NADK2: variants seen among roughly 807,000 people sequenced by gnomAD.
The protein encoded by NADK2 is NAD kinase 2, mitochondrial.
In NADK2, 35 loss-of-function variants were observed where a neutral mutation model predicts 62.1. That is an observed-to-expected ratio of 0.56 (90% confidence interval 0.43 to 0.75). The LOEUF is 0.75. Ranked by LOEUF, NADK2 falls within the 30% of genes least tolerant of loss-of-function variation. The pLI is 0.00. For missense variants in NADK2, 439 were observed against 561.3 expected, an observed-to-expected ratio of 0.78 and a Z score of 2.20; for synonymous variants, 205 against 207.9, an observed-to-expected ratio of 0.99 and a Z score of 0.12.
intron 8 of NADK2, among the ~76,000 whole-genome samples, chr5:36,204,378 CTT>C (rs1336768326): frequency 6.6e-6 from 1 of 152,094 alleles, no homozygotes; most frequent in African/African-American, 2.4e-5. Flanking sequence ...GGCCAGTACT[CTT>C]TTCAATTATA....
chr5:36,198,877 T>C (rs1746332943), intron 10 of NADK2, among the ~76,000 whole-genome samples: 1 of 151,766 alleles, frequency 6.6e-6, no homozygotes, highest in Admixed American at 6.6e-5. Flanking sequence ...TTCAAACTAT[T>C]TTAGAGGCAA....
At chr5:36,231,463 G>A (rs1747707239) in intron 1 of NADK2, among the ~76,000 whole-genome samples, 1 of 152,116 alleles carries the variant, frequency 6.6e-6, no homozygotes, top group Non-Finnish European at 1.5e-5. Context: ...TTTAGAGAAT[G>A]TAAGTTCTTA....
chr5:36,212,366 C>T (rs1746882338), intron 6 of NADK2: 1 of 152,370 alleles, frequency 6.6e-6, no homozygotes. Flanking sequence ...CTTTTTTTTC[C>T]AAATAAGGAA....
intron 9 of NADK2, 116 bp downstream of exon 9, chr5:36,200,990 T>A: frequency 3.9e-6 from 3 of 777,490 alleles, no homozygotes; most frequent in Non-Finnish European, 4.3e-6. Context: ...GAAAAAGAAA[T>A]TAATGCATAG....
Position 36,227,569 on chromosome 5 carries a change from T to G in NADK2, c.301-4A>C, listed in dbSNP as rs1160977194. ...AACTAGAGCCTTTCAATGCAAGCTA[T>G]ATCAAAACAAAAGAAACGTTGTTTT... On this transcript the variant is annotated splice_region_variant and splice_polypyrimidine_tract_variant and intron_variant, in intron 1 of 11. Transcript: ENST00000381937. The G allele has an allele frequency of 6.7e-7, 1 of 1,501,612 alleles. No individual in the cohort carries two copies. The allele number at this position is 1,501,612 out of a possible 1,614,324, so 93.0% of individuals were successfully genotyped here.
At chr5:36,211,546 C>T (rs1199914353) in intron 7 of NADK2, among the ~76,000 whole-genome samples, 7 of 83,126 alleles carry the variant, frequency 8.4e-5, no homozygotes, top group East Asian at 4.5e-4. Context: ...CAGAGTGAGA[C>T]TCAGTCTCAA....
chr5:36,214,569 C>T (rs1482606308), intron 6 of NADK2, among the ~76,000 whole-genome samples: 1 of 152,194 alleles, frequency 6.6e-6, no homozygotes, highest in Non-Finnish European at 1.5e-5. Context: ...ACACAAACTA[C>T]TACACTGTGT....
chr5:36,209,269 A>G (rs1746753595), intron 7 of NADK2, among the ~76,000 whole-genome samples: 1 of 152,122 alleles, frequency 6.6e-6, no homozygotes, highest in South Asian at 2.1e-4. Context: ...GCCACAGAAA[A>G]TAAAAGCATT....
rs749221281 is a variant in NADK2, at chr5:36,207,150, C to A, written c.956+20G>T. On this transcript the variant is annotated intron_variant, in intron 8 of 11. Coordinates refer to ENST00000381937, the MANE Select transcript of NADK2 (RefSeq NM_001085411.3). ...AAAGTATTTCACAAAACTTGATAAG[C>A]AACATCCCAAGTTACTCACCAGGCC... is the stretch of plus-strand genomic sequence containing the variant. The A allele has an allele frequency of 1.3e-6, 2 of 1,586,148 alleles. No homozygotes were observed. The highest frequency in any genetic ancestry group is 2.2e-5 in the East Asian group (1 of 44,668).
At chr5:36,204,778 T>A (rs1190994132) in intron 8 of NADK2, among the ~76,000 whole-genome samples, 1 of 152,030 alleles carries the variant, frequency 6.6e-6, no homozygotes, top group Non-Finnish European at 1.5e-5. Flanking sequence ...ATGAATTAAA[T>A]GATATGATAT....
chr5:36,216,450 T>C (rs1039246080), intron 6 of NADK2, among the ~76,000 whole-genome samples: 8 of 152,188 alleles, frequency 5.3e-5, no homozygotes. Flanking sequence ...ATTTTGTTTT[T>C]GTTGCCTGTG....
At position 36,205,036 on chromosome 5, in the gene NADK2, G is replaced by C. The variant is rs1746584271; in HGVS notation, c.956+2134C>G. Among the ~76,000 whole-genome samples the C allele has an allele frequency of 6.6e-6, 1 of 151,874 alleles. No homozygotes were observed. Among genetic ancestry groups the C allele is most frequent in the Admixed American group, 6.6e-5 (1 of 15,214 alleles). On this transcript the variant is annotated intron_variant, in intron 8 of 11. Transcript: ENST00000381937. This position sits in a 1 kb window ranked among gnomAD's most constrained non-coding sequence, Gnocchi z 4.1. ...TAAAAGTTTGATAAGCATTGTTTTA[G>C]CTATATACAATTGTGAGCATATAGT...
chr5:36,200,332 T>C (rs1746392797), intron 9 of NADK2, 52 bp from the exon 10 acceptor site: 2 of 1,165,714 alleles, frequency 1.7e-6, no homozygotes, highest in Non-Finnish European at 2.3e-6. Flanking sequence ...ATATATCTTA[T>C]ATATATATTT....
intron 10 of NADK2, 82 bp downstream of exon 10, chr5:36,200,145 T>C: frequency 1.1e-6 from 1 of 950,470 alleles, no homozygotes; most frequent in Non-Finnish European, 1.5e-6. Flanking sequence ...AGTACTTTGC[T>C]AATTAAACAA....
intron 1 of NADK2, among the ~76,000 whole-genome samples, chr5:36,228,620 T>C (rs1561073071): frequency 4.0e-5 from 2 of 50,108 alleles, no homozygotes; most frequent in Non-Finnish European, 1.7e-4. Context: ...TGTCTAGACA[T>C]GATTTTTTTT....
intron 7 of NADK2, among the ~76,000 whole-genome samples, chr5:36,210,396 T>C (rs1240889417): frequency 6.6e-6 from 1 of 152,162 alleles, no homozygotes; most frequent in Non-Finnish European, 1.5e-5. Flanking sequence ...ATTTTTACAC[T>C]CCTAATGAGG....
chr5:36,217,550 C>T (rs184980843), intron 6 of NADK2, among the ~76,000 whole-genome samples, 198 bp downstream of exon 6: 3 of 151,986 alleles, frequency 2.0e-5, no homozygotes, highest in Non-Finnish European at 4.4e-5. Flanking sequence ...TCAAATCTGT[C>T]CTAGAAAACA....
rs1746284827 is a variant in NADK2 at position 36,197,700 on chromosome 5, G to C, written c.1067-36C>G. 3.3e-6 allele frequency: 5 copies of C among 1,501,380 alleles called. No individual in the cohort carries two copies. The East Asian group carries it at 1.2e-4, about 36-fold the overall frequency. 93.0% of individuals were successfully genotyped at this position (1,501,380 alleles called of 1,614,324 possible). The stretch of plus-strand genomic sequence containing the variant: ...AAAAAAATTAGCACACTCAATAAAA[G>C]ATGGTCACTTCTGAGAAGGGCAAAA... On this transcript the variant is annotated intron_variant, in intron 10 of 11. Transcript: ENST00000381937.
In NADK2 at chr5:36,241,052, T is replaced by C. The variant is rs1350771885; in HGVS notation, c.300+447A>G. On this transcript the variant is annotated intron_variant, in intron 1 of 11. Transcript: ENST00000381937. The surrounding 1 kb of genome is among the most constrained non-coding windows in gnomAD (Gnocchi z 4.9). Reference sequence around the variant, plus strand: ...CCCCCGGCAGCCCTCAGCGGCGCCCTGGGCCCCCTTTCTCGCGGCGGCCAG... The same window carrying C: ...CCCCCGGCAGCCCTCAGCGGCGCCCCGGGCCCCCTTTCTCGCGGCGGCCAG... 6.6e-6 allele frequency among the ~76,000 whole-genome samples: 1 copy of C among 152,034 alleles called. No homozygotes were observed. Among genetic ancestry groups the C allele is most frequent in the Non-Finnish European group, 1.5e-5 (1 of 67,968 alleles).
Sources: gnomAD v4.1 joint callset for allele counts (sites outside exome capture counted in the v4.1 genomes callset) on GRCh38, gnomAD v4.1.1 for gene constraint, Gnocchi (gnomAD v3.1) non-coding constraint, MANE v1.5 for transcripts, NCBI Gene and HGNC (gene_info 2026-07-23, HGNC 2026-07-21) for gene names.